ZBTB16: variants seen among roughly 807,000 people sequenced by gnomAD.
The protein encoded by ZBTB16 is zinc finger and BTB domain-containing protein 16.
ZBTB16 carries 8 observed loss-of-function variants against 56.8 expected under a neutral mutation model. That is an observed-to-expected ratio of 0.14 (90% CI 0.08 to 0.25). The LOEUF (loss-of-function observed/expected upper bound fraction) is 0.25, where lower values mean the gene tolerates loss of function less well. Among genes scored for constraint, ZBTB16 ranks in the 10% least tolerant of loss-of-function variants. ZBTB16 has a pLI of 1.00. For synonymous variants in ZBTB16, 363 were observed against 368.5 expected (o/e 0.98, Z 0.17); for missense variants, 625 against 903.0 (o/e 0.69, Z 3.95).
At chr11:114,077,047 G>A (rs2137686587) in intron 2 of ZBTB16, among the ~76,000 whole-genome samples, 1 of 152,260 alleles carries the variant, frequency 6.6e-6, no homozygotes, top group East Asian at 1.9e-4. Flanking sequence ...GTTAATTTTA[G>A]TGGCAAGCAG....
intron 3 of ZBTB16, among the ~76,000 whole-genome samples, chr11:114,157,457 T>C (rs1215407636): frequency 1.3e-5 from 2 of 152,222 alleles, no homozygotes; most frequent in Non-Finnish European, 2.9e-5. Flanking sequence ...GCCCCTGGCA[T>C]ACAGTTGGCA....
intron 4 of ZBTB16, among the ~76,000 whole-genome samples, chr11:114,208,354 T>G (rs1362633964): frequency 6.6e-6 from 1 of 152,196 alleles, no homozygotes; most frequent in African/African-American, 2.4e-5. Context: ...AGATTTTTGC[T>G]CTTCACTTGC....
intron 4 of ZBTB16, 40 bp from the exon 5 acceptor site, chr11:114,242,127 T>C: frequency 6.2e-7 from 1 of 1,612,290 alleles, no homozygotes; most frequent in Non-Finnish European, 8.5e-7. Flanking sequence ...CACCTTGTAT[T>C]CCCACCTTTC....
chr11:114,246,965 A>G (rs1410620889), intron 5 of ZBTB16: 3 of 584,418 alleles, frequency 5.1e-6, no homozygotes, highest in Non-Finnish European at 9.1e-6. Context: ...TCTCTTTCCC[A>G]GGACTGGCCC....
chr11:114,071,518 G>C (rs1338341422), intron 2 of ZBTB16, among the ~76,000 whole-genome samples: 3 of 152,184 alleles, frequency 2.0e-5, no homozygotes, highest in Admixed American at 6.5e-5. Flanking sequence ...CTTTAAAATA[G>C]TGATTATCCT....
intron 2 of ZBTB16, among the ~76,000 whole-genome samples, chr11:114,106,312 G>A (rs1940787919): frequency 6.6e-6 from 1 of 152,108 alleles, no homozygotes; most frequent in Non-Finnish European, 1.5e-5. Flanking sequence ...GGGGGTCACT[G>A]TGGCTCCTAC....
chr11:114,175,756 G>A (rs1468108830), intron 3 of ZBTB16, among the ~76,000 whole-genome samples: 4 of 152,094 alleles, frequency 2.6e-5, no homozygotes, highest in African/African-American at 4.8e-5. Context: ...GAATGCCATC[G>A]AGACTGAGGA....
Position 114,143,105 on chromosome 11 carries a change from C to G in ZBTB16, c.1269-13232C>G, listed in dbSNP as rs749763209. On this transcript the variant is annotated intron_variant, in intron 2 of 6. Coordinates refer to ENST00000335953, the MANE Select transcript of ZBTB16 (RefSeq NM_006006.6). The surrounding 1 kb of genome is among the most constrained non-coding windows in gnomAD (Gnocchi z 6.4). ...TGCTCCCACCTACTCTCCCAGGTTC[C>G]GAGGCTCCTGTGCACACGGTGAATG... 2.0e-5 allele frequency among the ~76,000 whole-genome samples: 3 copies of G among 151,964 alleles called. No individual in the cohort carries two copies. The highest frequency in any genetic ancestry group is 6.5e-5 in the Admixed American group (1 of 15,268).
At chr11:114,142,019 A>G (rs1007552543) in intron 2 of ZBTB16, among the ~76,000 whole-genome samples, 2 of 152,174 alleles carry the variant, frequency 1.3e-5, no homozygotes, top group Non-Finnish European at 2.9e-5. Context: ...TTAGCACCTG[A>G]GATGATGTTA....
At chr11:114,082,174 G>T (rs987887221) in intron 2 of ZBTB16, among the ~76,000 whole-genome samples, 1 of 151,742 alleles carries the variant, frequency 6.6e-6, no homozygotes, top group African/African-American at 2.4e-5. Flanking sequence ...CAGCTTCTCG[G>T]GTGGCTGAAG....
intron 2 of ZBTB16, among the ~76,000 whole-genome samples, chr11:114,101,190 A>T (rs1322701869): frequency 6.6e-6 from 1 of 152,030 alleles, no homozygotes; most frequent in African/African-American, 2.4e-5. Flanking sequence ...TTTTTTGTAG[A>T]GATGAGGTTT....
chr11:114,140,695 G>A (rs914539333), intron 2 of ZBTB16, among the ~76,000 whole-genome samples: 14 of 152,184 alleles, frequency 9.2e-5, no homozygotes, highest in African/African-American at 3.4e-4. Flanking sequence ...CTTACTCCGT[G>A]GAGTCACTCA....
chr11:114,148,469 C>CTTTCTTTCTT lies in ZBTB16; in HGVS notation c.1269-7867_1269-7866insTTCTTTCTTT, dbSNP rs1555144001. ...TCTCTGTCTGTCTGTCTCTCTCTCT[C>CTTTCTTTCTT]TCTTTCTTTCTTTCTTTCTTTCTTT... is the stretch of plus-strand genomic sequence containing the variant. On this transcript the variant is annotated intron_variant, in intron 2 of 6. Transcript: ENST00000335953. Among the ~76,000 whole-genome samples the CTTTCTTTCTT allele has an allele frequency of 2.7e-3, 163 of 60,956 alleles. 9 individuals carry two copies. The highest frequency in any genetic ancestry group is 6.1e-3 in the African/African-American group (112 of 18,404). 40.0% of individuals were successfully genotyped at this position (60,956 alleles called of 152,430 possible).
intron 3 of ZBTB16, among the ~76,000 whole-genome samples, chr11:114,158,782 A>T (rs117802568): frequency 0.015 from 2,281 of 152,278 alleles, 23 homozygotes; most frequent in Middle Eastern, 0.024. Flanking sequence ...CTAACATGTC[A>T]TGGGGTTAGA....
chr11:114,203,438 C>A (rs997864479), intron 4 of ZBTB16, among the ~76,000 whole-genome samples: 5 of 152,056 alleles, frequency 3.3e-5, no homozygotes, highest in African/African-American at 9.7e-5. Flanking sequence ...CACAGTGGCT[C>A]ATGCTTTGGG....
intron 4 of ZBTB16, among the ~76,000 whole-genome samples, chr11:114,212,329 AAAGT>A (rs753653901): frequency 3.3e-5 from 5 of 152,128 alleles, no homozygotes; most frequent in Non-Finnish European, 7.4e-5. Flanking sequence ...AGAAAGAAAG[AAAGT>A]AAGGGGCTTT....
chr11:114,250,234 C>A lies in ZBTB16; in HGVS notation c.1793-92C>A. 2.1e-6 allele frequency: 3 copies of A among 1,454,380 alleles called. No individual in the cohort carries two copies. Among genetic ancestry groups the A allele is most frequent in the East Asian group, 2.3e-5 (1 of 44,104 alleles). The allele number at this position is 1,454,380 out of a possible 1,614,324, so 90.1% of individuals were successfully genotyped here. A position where few individuals can be genotyped will look rare whatever the true frequency, so the allele number is the denominator to read the frequency against. ...GTTGGAGCAAGCCCAGCTGGAGGAA[C>A]CCAGCTTCCCTGGCACGCCTGAGGG... is the stretch of plus-strand genomic sequence containing the variant. On this transcript the variant is annotated intron_variant, in intron 6 of 6. Transcript: ENST00000335953. This position sits in a 1 kb window ranked among gnomAD's most constrained non-coding sequence, Gnocchi z 6.0.
intron 2 of ZBTB16, among the ~76,000 whole-genome samples, chr11:114,101,748 G>A (rs746780923): frequency 6.6e-6 from 1 of 152,244 alleles, no homozygotes; most frequent in Non-Finnish European, 1.5e-5. Context: ...GGAGTGCCCA[G>A]TAAATGCTAG....
At chr11:114,088,524 C>T (rs1385165055) in intron 2 of ZBTB16, among the ~76,000 whole-genome samples, 2 of 152,158 alleles carry the variant, frequency 1.3e-5, no homozygotes, top group African/African-American at 4.8e-5. Flanking sequence ...GAATCCTATT[C>T]AGTTATACAG....
Sources: allele counts gnomAD v4.1 joint callset (sites outside exome capture counted in the v4.1 genomes callset), GRCh38; gene constraint gnomAD v4.1.1; non-coding constraint Gnocchi (gnomAD v3.1); transcripts MANE v1.5; gene names NCBI Gene and HGNC (gene_info 2026-07-23, HGNC 2026-07-21).